Variants in ARB2A observed in about 807,000 individuals in gnomAD.
The protein encoded by ARB2A is cotranscriptional regulator ARB2A.
chr5:93,810,196 T>A, the ARB2A span, among the ~76,000 whole-genome samples: 1 of 135,506 alleles, frequency 7.4e-6, no homozygotes, highest in Non-Finnish European at 1.6e-5. Context: ...GTAGGTTTCG[T>A]TTTTTTTTTT....
the ARB2A span, among the ~76,000 whole-genome samples, chr5:94,019,452 AC>A: frequency 1.3e-5 from 2 of 152,262 alleles, no homozygotes; most frequent in Non-Finnish European, 2.9e-5. Context: ...AAGAAAAAAA[AC>A]AACCCCATCA....
the ARB2A span, among the ~76,000 whole-genome samples, chr5:94,062,155 T>C: frequency 1.3e-4 from 20 of 152,060 alleles, no homozygotes; most frequent in Non-Finnish European, 1.2e-4. Context: ...GAAAAAGCAA[T>C]TCAAAGATGA....
the ARB2A span, among the ~76,000 whole-genome samples, chr5:94,087,101 C>T: frequency 8.6e-5 from 13 of 151,900 alleles, no homozygotes; most frequent in South Asian, 6.2e-4. Flanking sequence ...TGGGCTAATA[C>T]GTATGTTTGT....
the ARB2A span, among the ~76,000 whole-genome samples, chr5:93,886,440 T>C: frequency 4.6e-5 from 7 of 151,724 alleles, no homozygotes; most frequent in African/African-American, 1.7e-4. Flanking sequence ...TGAAAGAAGA[T>C]AGGTGCTCAT....
the ARB2A span, among the ~76,000 whole-genome samples, chr5:93,749,717 C>T: frequency 1.6e-4 from 24 of 152,038 alleles, no homozygotes; most frequent in Non-Finnish European, 2.6e-4. Context: ...TGACATACAA[C>T]TATTAAAGAG....
At chr5:93,839,477 C>A in the ARB2A span, among the ~76,000 whole-genome samples, 3 of 151,864 alleles carry the variant, frequency 2.0e-5, no homozygotes, top group Non-Finnish European at 4.4e-5. Context: ...AGGATATTGG[C>A]TTGAATTTTT....
the ARB2A span, among the ~76,000 whole-genome samples, chr5:94,096,977 C>T: frequency 6.6e-6 from 1 of 152,170 alleles, no homozygotes; most frequent in Non-Finnish European, 1.5e-5. Context: ...GACTCAATGA[C>T]CCCCATGGAC....
the ARB2A span, among the ~76,000 whole-genome samples, chr5:93,647,236 TC>T: frequency 6.6e-6 from 1 of 151,742 alleles, no homozygotes; most frequent in Non-Finnish European, 1.5e-5. Flanking sequence ...CATTTTTTCT[TC>T]CCCCCCGAGA....
chr5:93,740,289 TA>T, the ARB2A span: 7 of 300,584 alleles, frequency 2.3e-5, no homozygotes, highest in South Asian at 1.1e-4. Context: ...CAATATTTAA[TA>T]AAAAAAGGAA....
At chr5:93,914,325 A>G in the ARB2A span, among the ~76,000 whole-genome samples, 2 of 151,998 alleles carry the variant, frequency 1.3e-5, no homozygotes, top group African/African-American at 4.8e-5. Context: ...CTTAAGTTAT[A>G]GTAATCTATG....
chr5:93,859,215 C>G, the ARB2A span, among the ~76,000 whole-genome samples: 1 of 151,952 alleles, frequency 6.6e-6, no homozygotes, highest in Non-Finnish European at 1.5e-5. Flanking sequence ...TTAATGATGC[C>G]TATCCACAAA....
the ARB2A span, among the ~76,000 whole-genome samples, chr5:93,687,261 G>A: frequency 6.6e-6 from 1 of 152,062 alleles, no homozygotes; most frequent in Non-Finnish European, 1.5e-5. Context: ...GAATAACAAA[G>A]ATTAAAATAA....
chr5:93,855,739 A>C, the ARB2A span, among the ~76,000 whole-genome samples: 1 of 152,296 alleles, frequency 6.6e-6, no homozygotes, highest in African/African-American at 2.4e-5. Flanking sequence ...GCTGGATATT[A>C]AATTCTGGGT....
At chr5:93,931,884 T>C in the ARB2A span, among the ~76,000 whole-genome samples, 1 of 152,192 alleles carries the variant, frequency 6.6e-6, no homozygotes, top group Non-Finnish European at 1.5e-5. Flanking sequence ...ATATAGTTTG[T>C]ACTCTTTGTG....
the ARB2A span, among the ~76,000 whole-genome samples, chr5:93,875,884 A>C: frequency 6.6e-6 from 1 of 152,100 alleles, no homozygotes; most frequent in Admixed American, 6.5e-5. Flanking sequence ...GAACAGCAGC[A>C]GCCCCTTGTG....
the ARB2A span, among the ~76,000 whole-genome samples, chr5:94,101,331 G>A: frequency 6.6e-6 from 1 of 152,044 alleles, no homozygotes; most frequent in Non-Finnish European, 1.5e-5. Flanking sequence ...TGGAGACCCT[G>A]ATACATTGTC....
the ARB2A span, among the ~76,000 whole-genome samples, chr5:93,694,364 A>G: frequency 2.4e-3 from 368 of 152,314 alleles, 1 homozygote; most frequent in African/African-American, 8.5e-3. Context: ...ATCAATGTGC[A>G]AAAATCACAA....
chr5:94,052,885 T>G, the ARB2A span, among the ~76,000 whole-genome samples: 1 of 152,310 alleles, frequency 6.6e-6, no homozygotes, highest in African/African-American at 2.4e-5. Flanking sequence ...TTAGTTCACG[T>G]AACTTGACAA....
the ARB2A span, among the ~76,000 whole-genome samples, chr5:93,880,724 G>A: frequency 1.3e-5 from 2 of 151,574 alleles, no homozygotes; most frequent in Non-Finnish European, 3.0e-5. Context: ...ATGTCCAAGT[G>A]TAAACAAAAT....
Sources: gnomAD v4.1 joint callset for allele counts (sites outside exome capture counted in the v4.1 genomes callset) on GRCh38, gnomAD v4.1.1 for gene constraint, MANE v1.5 for transcripts, NCBI Gene and HGNC (gene_info 2026-07-23, HGNC 2026-07-21) for gene names.